The following SORCS1 variants were observed in gnomAD, a reference collection of about 807,000 sequenced individuals.
The protein encoded by SORCS1 is sortilin related VPS10 domain containing receptor 1.
A neutral mutation model predicts 146.1 loss-of-function variants in SORCS1; 60 were observed. The ratio of observed to expected loss-of-function variants is 0.41; its 90% CI spans 0.33 to 0.51. The LOEUF (loss-of-function observed/expected upper bound fraction) is 0.51, where lower values mean the gene tolerates loss of function less well. SORCS1 is among the 20% of genes least tolerant of loss of function. The pLI is 0.21. For synonymous variants in SORCS1, 637 were observed against 584.0 expected (o/e 1.09, Z -1.31); for missense variants, 1,352 against 1,487.6 (o/e 0.91, Z 1.50).
intron 6 of SORCS1, among the ~76,000 whole-genome samples, chr10:106,718,040 A>G (rs1034760465): frequency 9.9e-5 from 15 of 152,206 alleles, no homozygotes; most frequent in African/African-American, 3.4e-4. Context: ...TACTTTCGTC[A>G]GGGATGGGGA....
At chr10:107,027,707 G>C (rs1958471615) in intron 1 of SORCS1, among the ~76,000 whole-genome samples, 1 of 152,304 alleles carries the variant, frequency 6.6e-6, no homozygotes, top group South Asian at 2.1e-4. Context: ...TCAGTCATCA[G>C]CTGCTGCAGG....
At chr10:106,612,077 G>A in intron 21 of SORCS1, 54 bp from the exon 22 acceptor site, 1 of 1,401,214 alleles carries the variant, frequency 7.1e-7, no homozygotes, top group Non-Finnish European at 1.0e-6. Context: ...CTGTCAAGAG[G>A]TTTGTTAGAC....
chr10:107,101,253 C>T (rs1290952187), intron 1 of SORCS1, among the ~76,000 whole-genome samples: 1 of 152,168 alleles, frequency 6.6e-6, no homozygotes, highest in Admixed American at 6.5e-5. Context: ...CCATGTTGAC[C>T]AGGCTGCTCT....
chr10:106,752,609 T>C (rs568264864), intron 5 of SORCS1, among the ~76,000 whole-genome samples: 1 of 152,310 alleles, frequency 6.6e-6, no homozygotes, highest in East Asian at 1.9e-4. Flanking sequence ...AGTTAGATTC[T>C]TCCTCTTCAA....
chr10:106,976,992 A>G (rs963197557), intron 1 of SORCS1, among the ~76,000 whole-genome samples: 1 of 152,214 alleles, frequency 6.6e-6, no homozygotes, highest in African/African-American at 2.4e-5. Flanking sequence ...CAGTGCTGCA[A>G]TAAACATACA....
Position 106,872,236 on chromosome 10 carries a change from C to G in SORCS1, c.627-42563G>C, listed in dbSNP as rs772508563. On this transcript the variant is annotated intron_variant, in intron 2 of 25. Transcript: ENST00000263054. ...CCTTGAAACGCATTTGAGAATAAAT[C>G]TGAATGACATAATTGGGCCAGGTGC... 2.0e-5 allele frequency among the ~76,000 whole-genome samples: 3 copies of G among 152,274 alleles called. 1 individual carries two copies. The highest frequency in any genetic ancestry group is 2.0e-4 in the Admixed American group (3 of 15,284).
chr10:106,725,670 C>T (rs890095559), intron 6 of SORCS1, among the ~76,000 whole-genome samples: 1 of 151,860 alleles, frequency 6.6e-6, no homozygotes, highest in African/African-American at 2.4e-5. Flanking sequence ...GTGGCTCACG[C>T]TTGTAATCCC....
At chr10:106,844,751 T>G (rs1036280671) in intron 2 of SORCS1, among the ~76,000 whole-genome samples, 1 of 105,514 alleles carries the variant, frequency 9.5e-6, no homozygotes, top group East Asian at 2.9e-4. Flanking sequence ...CCCACCACAG[T>G]CCCCAGAGTG....
At chr10:106,703,416 G>A (rs373570030) in intron 8 of SORCS1, among the ~76,000 whole-genome samples, 6 of 152,002 alleles carry the variant, frequency 3.9e-5, no homozygotes, top group South Asian at 4.2e-4. Context: ...AAGCACTTTC[G>A]TATGTATTGC....
intron 3 of SORCS1, among the ~76,000 whole-genome samples, chr10:106,810,690 T>C (rs1947412055): frequency 6.6e-6 from 1 of 152,194 alleles, no homozygotes; most frequent in South Asian, 2.1e-4. Context: ...GAATTATGAA[T>C]TCCAGTCCCT....
intron 1 of SORCS1, among the ~76,000 whole-genome samples, chr10:106,989,436 A>G (rs7920329): frequency 0.048 from 7,368 of 151,976 alleles, 585 homozygotes; most frequent in African/African-American, 0.17. Context: ...TCTACTAGCC[A>G]TCTTCAAGCA....
intron 5 of SORCS1, among the ~76,000 whole-genome samples, chr10:106,737,574 A>G (rs1445930705): frequency 6.6e-6 from 1 of 152,086 alleles, no homozygotes; most frequent in East Asian, 1.9e-4. Context: ...AAAATACAAA[A>G]ATTAGCCAGG....
At chr10:106,845,887 A>G (rs1949297526) in intron 2 of SORCS1, among the ~76,000 whole-genome samples, 1 of 106,698 alleles carries the variant, frequency 9.4e-6, no homozygotes, top group African/African-American at 2.9e-5. Context: ...AAGATCAGAT[A>G]GTTGTAGGTA....
At chr10:106,606,471 G>A (rs1484294421) in intron 23 of SORCS1, among the ~76,000 whole-genome samples, 1 of 152,114 alleles carries the variant, frequency 6.6e-6, no homozygotes, top group Non-Finnish European at 1.5e-5. Context: ...TGTTAAAAAA[G>A]ATATGCATGT....
chr10:107,130,918 A>G (rs1311331162), intron 1 of SORCS1, among the ~76,000 whole-genome samples: 2 of 152,194 alleles, frequency 1.3e-5, no homozygotes, highest in African/African-American at 4.8e-5. Flanking sequence ...AAACAGAAAC[A>G]CTGGAGCCAT....
At chr10:106,695,226 G>GT (rs1853606703) in intron 9 of SORCS1, among the ~76,000 whole-genome samples, 1 of 152,194 alleles carries the variant, frequency 6.6e-6, no homozygotes. Flanking sequence ...GAACTTAGCT[G>GT]TAACTAAGGA....
chr10:107,024,985 T>C (rs537762774), intron 1 of SORCS1, among the ~76,000 whole-genome samples: 4 of 152,328 alleles, frequency 2.6e-5, no homozygotes, highest in Admixed American at 1.3e-4. Context: ...GGCTAAGGGT[T>C]AGTATTATCA....
chr10:106,911,480 C>T (rs1341826817), intron 2 of SORCS1, among the ~76,000 whole-genome samples: 3 of 152,104 alleles, frequency 2.0e-5, no homozygotes, highest in Non-Finnish European at 4.4e-5. Context: ...CACACAGCCT[C>T]AGCCCTATCC....
At chr10:106,922,977 C>T (rs1177211405) in intron 2 of SORCS1, among the ~76,000 whole-genome samples, 1 of 151,502 alleles carries the variant, frequency 6.6e-6, no homozygotes, top group Non-Finnish European at 1.5e-5. Flanking sequence ...GAACCTCCAC[C>T]TCCCGGGTTC....
Sources: allele counts gnomAD v4.1 joint callset (sites outside exome capture counted in the v4.1 genomes callset), GRCh38; gene constraint gnomAD v4.1.1; transcripts MANE v1.5; gene names NCBI Gene and HGNC (gene_info 2026-07-23, HGNC 2026-07-21).